The following PARL variants were observed in gnomAD, a reference collection of about 807,000 sequenced individuals.
The protein encoded by PARL is presenilin-associated rhomboid-like protein, mitochondrial.
PARL carries 44 observed loss-of-function variants against 51.6 expected under a neutral mutation model. That is an observed-to-expected ratio of 0.85 (90% CI 0.67 to 1.10). The LOEUF is 1.10. Ranked by LOEUF, PARL falls within the 50% of genes least tolerant of loss-of-function variation. PARL has a pLI of 0.00. For synonymous variants in PARL, 172 were observed against 164.0 expected, an observed-to-expected ratio of 1.05 and a Z score of -0.37; for missense variants, 441 against 469.5, an observed-to-expected ratio of 0.94 and a Z score of 0.56.
intron 4 of PARL, among the ~76,000 whole-genome samples, chr3:183,860,804 A>C (rs1731727357): frequency 6.8e-6 from 1 of 146,110 alleles, no homozygotes; most frequent in Non-Finnish European, 1.5e-5. Context: ...AAGAAATCTT[A>C]ATTTCGTTAC....
chr3:183,880,718 T>C, intron 1 of PARL, among the ~76,000 whole-genome samples: 1 of 152,080 alleles, frequency 6.6e-6, no homozygotes, highest in East Asian at 1.9e-4. Flanking sequence ...GACTTTTTTT[T>C]TAATACAATC....
At chr3:183,873,535 C>A (rs547310207) in intron 1 of PARL, among the ~76,000 whole-genome samples, 170 of 142,484 alleles carry the variant, frequency 1.2e-3, no homozygotes, top group Non-Finnish European at 1.9e-3. Flanking sequence ...AGTGACAGAG[C>A]AAGACTCCGT....
intron 4 of PARL, among the ~76,000 whole-genome samples, chr3:183,860,814 CTTTTT>C (rs11405513): frequency 1.6e-5 from 2 of 126,728 alleles, no homozygotes; most frequent in Non-Finnish European, 1.6e-5. Flanking sequence ...AATTTCGTTA[CTTTTT>C]TTTTTTTTTT....
At chr3:183,830,982 T>C (rs1367584796) in intron 9 of PARL, among the ~76,000 whole-genome samples, 1 of 152,170 alleles carries the variant, frequency 6.6e-6, no homozygotes, top group Non-Finnish European at 1.5e-5. Flanking sequence ...TTTTCCCAAA[T>C]CTTTTTTGTT....
At chr3:183,841,148 G>C (rs1280174147) in intron 6 of PARL, among the ~76,000 whole-genome samples, 1 of 152,154 alleles carries the variant, frequency 6.6e-6, no homozygotes, top group East Asian at 1.9e-4. Context: ...AGAATATCTG[G>C]GGTGGGACAA....
At chr3:183,845,560 A>T (rs1729851885) in intron 4 of PARL, among the ~76,000 whole-genome samples, 1 of 152,202 alleles carries the variant, frequency 6.6e-6, no homozygotes, top group African/African-American at 2.4e-5. Context: ...ACCTTTGGTA[A>T]ATAATTACCC....
chr3:183,881,358 G>A (rs1734417154), intron 1 of PARL, among the ~76,000 whole-genome samples: 1 of 152,106 alleles, frequency 6.6e-6, no homozygotes, highest in African/African-American at 2.4e-5. Context: ...CTGACCTCAG[G>A]TGATCCACCC....
chr3:183,827,014 G>A (rs1727462679), downstream of PARL, among the ~76,000 whole-genome samples: 2 of 152,176 alleles, frequency 1.3e-5, no homozygotes, highest in East Asian at 3.9e-4. Flanking sequence ...AGCATGAGAG[G>A]GAGGCAGGCT....
chr3:183,853,860 C>T (rs146233181), intron 4 of PARL, among the ~76,000 whole-genome samples: 2,131 of 152,248 alleles, frequency 0.014, 42 homozygotes, highest in South Asian at 0.049. Flanking sequence ...ATGGTACAAC[C>T]GCCATGGAAA....
At chr3:183,858,004 C>T (rs1390264297) in intron 4 of PARL, among the ~76,000 whole-genome samples, 1 of 152,200 alleles carries the variant, frequency 6.6e-6, no homozygotes, top group Admixed American at 6.5e-5. Context: ...TTGGCCGTTC[C>T]TTGCCCCATC....
intron 1 of PARL, among the ~76,000 whole-genome samples, chr3:183,876,010 C>CT (rs1409024517): frequency 1.2e-4 from 19 of 152,074 alleles, no homozygotes; most frequent in African/African-American, 4.6e-4. Context: ...TTACAGCACT[C>CT]CTGTTTACAG....
Position 183,833,766 on chromosome 3 carries a change from A to T in PARL, c.888T>A (p.Leu296=). Residue 296 remains leucine, a synonymous_variant, in exon 8 of 10, where the codon CTT becomes CTA. Transcript: ENST00000317096. The part of the protein sequence containing the change: ...AVCTKIPEGR[L]AIIFLPMFTF... Reference sequence around the variant, plus strand: ...TGAACATCGGAAGGAAAATAATGGCAAGCCTCCCTTCTGGGATCTTAGTGC... The same window carrying T: ...TGAACATCGGAAGGAAAATAATGGCTAGCCTCCCTTCTGGGATCTTAGTGC... 6.2e-7 allele frequency: 1 copy of T among 1,613,586 alleles called. No homozygotes were observed.
chr3:183,846,636 A>G (rs1729985563), intron 4 of PARL: 1 of 985,190 alleles, frequency 1.0e-6, no homozygotes, highest in Non-Finnish European at 1.2e-6. Context: ...GACTGTAGCC[A>G]AAATCCCTTA....
At chr3:183,846,856 A>G (rs1325113148) in intron 4 of PARL, among the ~76,000 whole-genome samples, 2 of 152,234 alleles carry the variant, frequency 1.3e-5, no homozygotes, top group East Asian at 3.8e-4. Context: ...CCTATTCTGA[A>G]GGCCAGTTAT....
chr3:183,843,615 G>A (rs921804063), intron 5 of PARL, among the ~76,000 whole-genome samples: 1 of 152,176 alleles, frequency 6.6e-6, no homozygotes, highest in Non-Finnish European at 1.5e-5. Context: ...CGGATCACGA[G>A]GTCAGGAGAT....
intron 1 of PARL, among the ~76,000 whole-genome samples, chr3:183,882,586 TCAA>T (rs1734694084): frequency 6.6e-6 from 1 of 152,138 alleles, no homozygotes; most frequent in African/African-American, 2.4e-5. Flanking sequence ...CTTTCAAGCC[TCAA>T]ACCTTGGTAA....
At chr3:183,861,143 A>G (rs145288688) in intron 4 of PARL, 1 of 410,402 alleles carries the variant, frequency 2.4e-6, no homozygotes, top group East Asian at 1.6e-4. Flanking sequence ...GAAGCAAGCA[A>G]ACAAAATACA....
intron 1 of PARL, among the ~76,000 whole-genome samples, chr3:183,873,399 C>T (rs550626618): frequency 3.9e-5 from 6 of 151,924 alleles, no homozygotes; most frequent in Admixed American, 2.0e-4. Flanking sequence ...TGATTACAGG[C>T]GTGGTGGCAC....
At chr3:183,876,372 TG>T (rs1338030844) in intron 1 of PARL, among the ~76,000 whole-genome samples, 1 of 151,938 alleles carries the variant, frequency 6.6e-6, no homozygotes, top group Non-Finnish European at 1.5e-5. Flanking sequence ...TTAAGCCCAA[TG>T]TTGCGACCAA....
Sources: gnomAD v4.1 joint callset for allele counts (sites outside exome capture counted in the v4.1 genomes callset) on GRCh38, gnomAD v4.1.1 for gene constraint, MANE v1.5 for transcripts, NCBI Gene and HGNC (gene_info 2026-07-23, HGNC 2026-07-21) for gene names.